Variants in COL4A4 observed in about 807,000 individuals in gnomAD.
COL4A4 encodes the protein collagen type IV alpha 4 chain.
COL4A4 carries 105 observed loss-of-function variants against 192.9 expected under a neutral mutation model. That is an observed-to-expected ratio of 0.54 (90% CI 0.46 to 0.64). The LOEUF is 0.64. Among genes scored for constraint, COL4A4 ranks in the 30% least tolerant of loss-of-function variants. COL4A4 has a pLI of 0.00. For missense variants in COL4A4, 1,967 were observed against 2,169.3 expected, an observed-to-expected ratio of 0.91 and a Z score of 1.85; for synonymous variants, 762 against 769.9, an observed-to-expected ratio of 0.99 and a Z score of 0.17.
chr2:227,091,422 T>TA (rs77137276), intron 20 of COL4A4, among the ~76,000 whole-genome samples: 7,017 of 110,712 alleles, frequency 0.063, 518 homozygotes, highest in East Asian at 0.18. Context: ...GAGTAAAGGT[T>TA]AAAAAAAAAA....
chr2:227,121,214 A>G (rs948817662), intron 4 of COL4A4, 66 bp from the exon 5 acceptor site: 5 of 1,544,802 alleles, frequency 3.2e-6, no homozygotes, highest in Non-Finnish European at 3.5e-6. Context: ...ACACAAACAT[A>G]TACTCATTCA....
At chr2:227,051,254 C>T in intron 32 of COL4A4, 96 bp from the exon 33 acceptor site, 2 of 1,267,012 alleles carry the variant, frequency 1.6e-6, no homozygotes, top group South Asian at 1.2e-5. Flanking sequence ...GAGATAAAGC[C>T]AAAGGTATTG....
rs557895239 is a variant in COL4A4, at chr2:227,021,359, G to A, written c.4216+689C>T. Among the ~76,000 whole-genome samples, 5 of 152,014 alleles carry A rather than the reference G, an allele frequency of 3.3e-5. No homozygotes were observed. In the South Asian group the frequency reaches 1.0e-3, roughly 32 times the overall value. On this transcript the variant is annotated intron_variant, in intron 44 of 47. Transcript: ENST00000396625. ...AACAGCTCCTACTTCCTTCTTGCAG[G>A]CTCTGTTTCCGCTCCACCAAGCCCC...
chr2:227,114,545 A>G lies in COL4A4; in HGVS notation c.558+83T>C, dbSNP rs76770753. The G allele has an allele frequency of 6.3e-3, 6,968 of 1,110,916 alleles. 248 individuals carry two copies. The East Asian group carries it at 0.088, about 14-fold the overall frequency. The allele number at this position is 1,110,916 out of a possible 1,614,324, so 68.8% of individuals were successfully genotyped here. On this transcript the variant is annotated intron_variant, in intron 8 of 47. Coordinates refer to ENST00000396625, the MANE Select transcript of COL4A4 (RefSeq NM_000092.5). ...GGTGTATTCAGGGACATTTTGAAGA[A>G]AAATCCTGTCTGAGTATTTCCTGCA... is the stretch of plus-strand genomic sequence containing the variant.
chr2:227,051,293 T>C (rs1271047493), intron 32 of COL4A4, 135 bp from the exon 33 acceptor site: 1 of 888,180 alleles, frequency 1.1e-6, no homozygotes, highest in Non-Finnish European at 1.9e-6. Context: ...CCAAGCCGCT[T>C]CCTGATCATT....
At chr2:227,118,854 G>T in intron 6 of COL4A4, 93 bp from the exon 7 acceptor site, 1 of 826,272 alleles carries the variant, frequency 1.2e-6, no homozygotes, top group Non-Finnish European at 2.1e-6. Flanking sequence ...TGGCAATTGT[G>T]ATTCACACAT....
chr2:227,099,516 G>T, intron 18 of COL4A4, 104 bp downstream of exon 18: 1 of 1,024,318 alleles, frequency 9.8e-7, no homozygotes, highest in Non-Finnish European at 1.5e-6. Flanking sequence ...CATTCAGCCT[G>T]CCTAGTGTGC....
At chr2:226,991,526 A>G in the COL4A4 span, among the ~76,000 whole-genome samples, 1 of 152,312 alleles carries the variant, frequency 6.6e-6, no homozygotes, top group South Asian at 2.1e-4. Context: ...TAGGAACCAA[A>G]TAGACATTTA....
At chr2:227,139,949 T>C (rs2063087735) in intron 4 of COL4A4, among the ~76,000 whole-genome samples, 1 of 152,126 alleles carries the variant, frequency 6.6e-6, no homozygotes, top group Non-Finnish European at 1.5e-5. Flanking sequence ...TATAAAACAA[T>C]GGGTGAATCG....
chr2:227,028,359 G>T, intron 41 of COL4A4, among the ~76,000 whole-genome samples: 1 of 152,160 alleles, frequency 6.6e-6, no homozygotes, highest in Non-Finnish European at 1.5e-5. Flanking sequence ...TGCCTCCCCA[G>T]GCGAGTTCAA....
chr2:227,051,928 C>T (rs942089654), intron 32 of COL4A4, among the ~76,000 whole-genome samples: 2 of 152,126 alleles, frequency 1.3e-5, no homozygotes, highest in Admixed American at 6.5e-5. Flanking sequence ...CAGTGGTTCA[C>T]GCCTGTAATC....
intron 7 of COL4A4, 106 bp from the exon 8 acceptor site, chr2:227,114,802 G>C: frequency 1.1e-6 from 1 of 906,866 alleles, no homozygotes; most frequent in Non-Finnish European, 1.8e-6. Context: ...TACCATTATT[G>C]ACATGATTAA....
At chr2:227,116,905 T>C (rs960950543) in intron 7 of COL4A4, among the ~76,000 whole-genome samples, 2 of 152,206 alleles carry the variant, frequency 1.3e-5, no homozygotes, top group Admixed American at 1.3e-4. Flanking sequence ...AGTTACATGA[T>C]GAGAAAAAGG....
intron 37 of COL4A4, among the ~76,000 whole-genome samples, chr2:227,039,028 A>G (rs142562162): frequency 2.0e-3 from 306 of 152,334 alleles, no homozygotes; most frequent in African/African-American, 7.2e-3. Flanking sequence ...TGTAGGTGGT[A>G]TGAACATGCC....
chr2:227,161,948 AG>A (rs1368476010), intron 1 of COL4A4, among the ~76,000 whole-genome samples: 10 of 152,084 alleles, frequency 6.6e-5, no homozygotes, highest in Admixed American at 6.6e-4. Context: ...AAAAAAAAAA[AG>A]AATCAAATTT....
At chr2:227,028,822 A>AT (rs1967625202) in intron 41 of COL4A4, among the ~76,000 whole-genome samples, 1 of 151,642 alleles carries the variant, frequency 6.6e-6, no homozygotes, top group South Asian at 2.1e-4. Context: ...TGCCCAGATA[A>AT]TTTTTTAATT....
chr2:226,969,394 C>A, the COL4A4 span, among the ~76,000 whole-genome samples: 3 of 115,526 alleles, frequency 2.6e-5, no homozygotes, highest in Admixed American at 2.8e-4. Context: ...ACAGCTCAGC[C>A]TTTTTTTTTT....
intron 1 of COL4A4, among the ~76,000 whole-genome samples, chr2:227,154,264 A>G (rs375892759): frequency 2.9e-4 from 44 of 152,260 alleles, no homozygotes; most frequent in Admixed American, 1.8e-3. Context: ...TCTCTGCCCA[A>G]TGCTTTCCAA....
At chr2:227,059,224 A>C (rs1268143940) in intron 28 of COL4A4, among the ~76,000 whole-genome samples, 181 bp downstream of exon 28, 2 of 152,250 alleles carry the variant, frequency 1.3e-5, no homozygotes, top group Non-Finnish European at 2.9e-5. Context: ...AATAAAGTGC[A>C]AAGGCAAGGC....
Sources: gnomAD v4.1 joint callset for allele counts (sites outside exome capture counted in the v4.1 genomes callset) on GRCh38, gnomAD v4.1.1 for gene constraint, MANE v1.5 for transcripts, NCBI Gene and HGNC (gene_info 2026-07-23, HGNC 2026-07-21) for gene names.